TEAD1: variants seen among roughly 807,000 people sequenced by gnomAD.
TEAD1 encodes the protein TEA domain transcription factor 1.
Under a neutral mutation model 54.9 loss-of-function variants are expected in TEAD1, and 9 were observed. The ratio of observed to expected loss-of-function variants is 0.16; its 90% CI spans 0.10 to 0.29. The LOEUF is 0.29. TEAD1 is among the 10% of genes least tolerant of loss of function. The pLI, the probability that TEAD1 is intolerant of heterozygous loss-of-function variation, is 1.00. For missense variants in TEAD1, 387 were observed against 535.9 expected (o/e 0.72, Z 2.74); for synonymous variants, 200 against 187.8 (o/e 1.07, Z -0.53).
intron 2 of TEAD1, among the ~76,000 whole-genome samples, chr11:12,703,673 A>G (rs896021924): frequency 1.3e-5 from 2 of 152,074 alleles, no homozygotes; most frequent in African/African-American, 4.8e-5. Flanking sequence ...TTATATTCTC[A>G]GTGCTTTGTT....
intron 10 of TEAD1, among the ~76,000 whole-genome samples, chr11:12,921,482 G>T (rs556541578): frequency 6.6e-6 from 1 of 150,668 alleles, no homozygotes; most frequent in Non-Finnish European, 1.5e-5. Context: ...AGAGGTTGCG[G>T]TGAGCCAAGA....
chr11:12,702,709 C>A (rs1943728535), intron 2 of TEAD1, among the ~76,000 whole-genome samples: 1 of 151,922 alleles, frequency 6.6e-6, no homozygotes, highest in South Asian at 2.1e-4. Context: ...GAAGCTACTT[C>A]CGTCCTTCTC....
intron 8 of TEAD1, 42 bp from the exon 9 acceptor site, chr11:12,882,959 G>T: frequency 6.2e-7 from 1 of 1,614,094 alleles, no homozygotes; most frequent in Non-Finnish European, 8.5e-7. Context: ...GGCCCAAGGG[G>T]AGGTGAGTGA....
intron 2 of TEAD1, among the ~76,000 whole-genome samples, chr11:12,705,367 C>T (rs1333089760): frequency 6.6e-6 from 1 of 152,126 alleles, no homozygotes; most frequent in African/African-American, 2.4e-5. Context: ...TGAAAATAGT[C>T]GGTGTCATTG....
chr11:12,684,012 C>G (rs1362728855), intron 2 of TEAD1, among the ~76,000 whole-genome samples: 5 of 152,144 alleles, frequency 3.3e-5, no homozygotes, highest in African/African-American at 1.2e-4. Context: ...ATAGCAACTT[C>G]AAATGTCATG....
At chr11:12,839,661 G>A (rs1252994462) in intron 3 of TEAD1, among the ~76,000 whole-genome samples, 4 of 152,148 alleles carry the variant, frequency 2.6e-5, no homozygotes, top group Non-Finnish European at 4.4e-5. Context: ...AGAATGTGGC[G>A]GGGGTTATCA....
chr11:12,758,557 C>T (rs904636989), intron 2 of TEAD1, among the ~76,000 whole-genome samples: 1 of 151,978 alleles, frequency 6.6e-6, no homozygotes, highest in Non-Finnish European at 1.5e-5. Context: ...ACTACAGGCG[C>T]CTGCCACCAC....
At chr11:12,852,105 A>T (rs1013107615) in intron 3 of TEAD1, among the ~76,000 whole-genome samples, 1 of 152,192 alleles carries the variant, frequency 6.6e-6, no homozygotes, top group East Asian at 1.9e-4. Flanking sequence ...AAGAACATGT[A>T]AGGATAGGTG....
intron 2 of TEAD1, among the ~76,000 whole-genome samples, chr11:12,687,578 G>A (rs1025239955): frequency 6.6e-6 from 1 of 152,162 alleles, no homozygotes; most frequent in Non-Finnish European, 1.5e-5. Context: ...TTTTCTTGTG[G>A]CATTTGAAGG....
At chr11:12,870,000 C>T (rs1252171572) in intron 5 of TEAD1, among the ~76,000 whole-genome samples, 2 of 152,180 alleles carry the variant, frequency 1.3e-5, no homozygotes, top group African/African-American at 4.8e-5. Flanking sequence ...CTGCCTCAGC[C>T]TCCCAAGTAG....
chr11:12,922,244 T>G (rs1948821793), intron 10 of TEAD1, among the ~76,000 whole-genome samples: 2 of 47,234 alleles, frequency 4.2e-5, no homozygotes, highest in South Asian at 5.2e-4. Context: ...TCGCCCAGGC[T>G]GGAGTGCAGT....
At chr11:12,699,791 G>C (rs1943659308) in intron 2 of TEAD1, among the ~76,000 whole-genome samples, 1 of 152,214 alleles carries the variant, frequency 6.6e-6, no homozygotes, top group African/African-American at 2.4e-5. Flanking sequence ...TAGCATTGCA[G>C]TTGAAGATCG....
intron 2 of TEAD1, among the ~76,000 whole-genome samples, chr11:12,737,040 GTC>G (rs1317535863): frequency 2.6e-5 from 4 of 152,168 alleles, no homozygotes; most frequent in African/African-American, 9.7e-5. Flanking sequence ...TAAGCCAGGA[GTC>G]TACTTGTTCT....
rs532089509 is a variant in TEAD1 at position 12,816,597 on chromosome 11, C to CT, written c.203-45647dup. Among the ~76,000 whole-genome samples, 46 of 152,224 alleles carry CT rather than the reference C, an allele frequency of 3.0e-4. No individual in the cohort carries two copies. In the East Asian group the frequency reaches 8.1e-3, roughly 27 times the overall value. ...TCAGGAAGACGTTTTCTTTGGGTGA[C>CT]TTTTTTCTCCTGGTGATGCAGTGGG... On this transcript the variant is annotated intron_variant, in intron 3 of 12. Transcript: ENST00000527636.
chr11:12,680,850 C>A (rs1590046187), intron 2 of TEAD1, among the ~76,000 whole-genome samples: 3 of 152,204 alleles, frequency 2.0e-5, no homozygotes, highest in Admixed American at 6.5e-5. Flanking sequence ...GTTATGGCAG[C>A]AACAGGCGGC....
intron 6 of TEAD1, 80 bp from the exon 7 acceptor site, chr11:12,880,925 G>A: frequency 1.3e-6 from 2 of 1,493,144 alleles, no homozygotes; most frequent in East Asian, 2.3e-5. Context: ...TCTTTTAGCA[G>A]GGGTTGTGAT....
In TEAD1 at chr11:12,841,093, T is replaced by C. The variant is rs1947030033; in HGVS notation, c.203-21157T>C. Reference sequence around the variant, plus strand: ...TCATGTGGGAAGTTACATTATTTTATGGATGCAGAGAGGGACACAGACCCA... The same window carrying C: ...TCATGTGGGAAGTTACATTATTTTACGGATGCAGAGAGGGACACAGACCCA... On this transcript the variant is annotated intron_variant, in intron 3 of 12. Coordinates refer to ENST00000527636, the MANE Select transcript of TEAD1 (RefSeq NM_021961.6). Among the ~76,000 whole-genome samples, 4 of 152,230 alleles carry C rather than the reference T, an allele frequency of 2.6e-5. No homozygotes were observed. The South Asian group carries it at 8.3e-4, about 32-fold the overall frequency.
intron 2 of TEAD1, among the ~76,000 whole-genome samples, chr11:12,761,360 C>T (rs566161633): frequency 1.3e-5 from 2 of 152,262 alleles, no homozygotes; most frequent in African/African-American, 4.8e-5. Context: ...CTACATCCTT[C>T]CCATGTGACA....
chr11:12,848,837 C>T (rs1357860165), intron 3 of TEAD1: 1 of 151,900 alleles, frequency 6.6e-6, no homozygotes, highest in East Asian at 1.9e-4. Flanking sequence ...GTAGTCCTAG[C>T]TACTCAGGAG....
Sources: allele counts gnomAD v4.1 joint callset (sites outside exome capture counted in the v4.1 genomes callset), GRCh38; gene constraint gnomAD v4.1.1; transcripts MANE v1.5; gene names NCBI Gene and HGNC (gene_info 2026-07-23, HGNC 2026-07-21).